The following MAOB variants were observed in gnomAD, a reference collection of about 807,000 sequenced individuals.
MAOB encodes the protein monoamine oxidase B.
MAOB carries 15 observed loss-of-function variants against 41.9 expected under a neutral mutation model. That is an observed-to-expected ratio of 0.36 (90% CI 0.24 to 0.55). The LOEUF (loss-of-function observed/expected upper bound fraction) is 0.55, where lower values mean the gene tolerates loss of function less well. Among genes scored for constraint, MAOB ranks in the 20% least tolerant of loss-of-function variants. The pLI is 0.86. For missense variants in MAOB, 345 were observed against 398.7 expected (o/e 0.87, Z 1.15); for synonymous variants, 167 against 144.2 (o/e 1.16, Z -1.13).
intron 7 of MAOB, among the ~76,000 whole-genome samples, chrX:43,795,285 A>T (rs2034513151): frequency 8.9e-6 from 1 of 111,829 alleles, no homozygotes; most frequent in South Asian, 3.8e-4. Context: ...ATTATAAAGG[A>T]TATTACAAAG....
At chrX:43,811,303 T>C (rs1178085449) in intron 3 of MAOB, among the ~76,000 whole-genome samples, 1 of 111,602 alleles carries the variant, frequency 9.0e-6, no homozygotes, top group Non-Finnish European at 1.9e-5. Context: ...TTCTTGATGC[T>C]GGACCCAGTC....
intron 11 of MAOB, among the ~76,000 whole-genome samples, chrX:43,777,293 G>T (rs941134785): frequency 3.6e-5 from 4 of 110,922 alleles, no homozygotes; most frequent in African/African-American, 1.3e-4. Flanking sequence ...TTTTTAGTGA[G>T]TATATACTGT....
chrX:43,854,342 A>G (rs1250583530), intron 1 of MAOB, among the ~76,000 whole-genome samples: 2 of 112,515 alleles, frequency 1.8e-5, no homozygotes, highest in African/African-American at 6.5e-5. Context: ...CATAAAAACA[A>G]TGAGTTAATG....
At chrX:43,776,767 C>A (rs59207814) in intron 11 of MAOB, among the ~76,000 whole-genome samples, 40 of 75,921 alleles carry the variant, frequency 5.3e-4, no homozygotes, top group African/African-American at 2.0e-3. Context: ...CCCCTCCCCC[C>A]ACCCCACAAC....
Position 43,793,457 on chromosome X carries a change from C to T in MAOB, c.890G>A (p.Cys297Tyr). The stretch of plus-strand genomic sequence containing the variant: ...GAAAGGCTCTTTATAATAAACTATA[C>T]ACTTGATGACTGAACCCAAAGGCAC... ...TRVPLGSVIKCIVYYKEPFWR... is the reference protein window; with the variant it reads ...TRVPLGSVIKYIVYYKEPFWR... The change falls in exon 8 of 15, where the codon TGT becomes TAT. Residue 297 changes from cysteine to tyrosine, a missense_variant. Physicochemically the swap from Cys to Tyr is radical, Grantham distance 194. Coordinates refer to ENST00000378069, the MANE Select transcript of MAOB (RefSeq NM_000898.5). 8.3e-7 allele frequency: 1 copy of T among 1,205,449 alleles called. No individual in the cohort carries two copies. Among genetic ancestry groups the T allele is most frequent in the Non-Finnish European group, 1.1e-6 (1 of 891,302 alleles).
intron 11 of MAOB, among the ~76,000 whole-genome samples, chrX:43,776,959 A>T (rs2034267528): frequency 9.0e-6 from 1 of 111,072 alleles, no homozygotes; most frequent in South Asian, 3.8e-4. Context: ...TTATGGCTGC[A>T]TAGTATTCCA....
At chrX:43,875,693 G>A (rs1367585373) in intron 1 of MAOB, among the ~76,000 whole-genome samples, 1 of 111,436 alleles carries the variant, frequency 9.0e-6, no homozygotes, top group Non-Finnish European at 1.9e-5. Context: ...AAGGGTATTC[G>A]ATCTTGCATG....
At chrX:43,840,760 A>G (rs1331363112) in intron 2 of MAOB, among the ~76,000 whole-genome samples, 3 of 111,117 alleles carry the variant, frequency 2.7e-5, no homozygotes, top group East Asian at 5.7e-4. Flanking sequence ...ATTCTGGCCC[A>G]GATACTTTGC....
At chrX:43,877,795 G>A (rs183384831) in intron 1 of MAOB, among the ~76,000 whole-genome samples, 10 of 111,838 alleles carry the variant, frequency 8.9e-5, no homozygotes, top group South Asian at 3.7e-4. Flanking sequence ...GGCCCCTTGC[G>A]GGGGGATAAA....
At chrX:43,877,470 T>C (rs1007152986) in intron 1 of MAOB, among the ~76,000 whole-genome samples, 29 of 111,655 alleles carry the variant, frequency 2.6e-4, no homozygotes, top group African/African-American at 9.1e-4. Flanking sequence ...TTGTCATTCT[T>C]AACCTTCACA....
intron 10 of MAOB, 25 bp from the exon 11 acceptor site, chrX:43,778,764 G>T (rs2034292217): frequency 8.9e-7 from 1 of 1,121,910 alleles, no homozygotes; most frequent in African/African-American, 1.8e-5. Context: ...AGACAAAAGA[G>T]AAAATAAAGG....
In MAOB at chrX:43,807,070, A is replaced by T. The variant is rs781081464; in HGVS notation, c.280-3666T>A. 1.6e-3 allele frequency among the ~76,000 whole-genome samples: 181 copies of T among 112,070 alleles called. 1 individual carries two copies. The highest frequency in any genetic ancestry group is 2.6e-3 in the Admixed American group (27 of 10,567). ...ATTTAGAAGCAAGTTCTGGCTGCTG[A>T]GTGCATGCTGATTTTGTTTTATAAT... On this transcript the variant is annotated intron_variant, in intron 3 of 14. Transcript: ENST00000378069.
In MAOB at chrX:43,870,794, CAAAAAAA is replaced by C. The variant is rs763016344; in HGVS notation, c.46+11453_46+11459del. Among the ~76,000 whole-genome samples the C allele has an allele frequency of 7.9e-3, 173 of 21,921 alleles. 1 individual carries two copies. Among genetic ancestry groups the C allele is most frequent in the Non-Finnish European group, 8.3e-3 (107 of 12,834 alleles). The allele number at this position is 21,921 out of a possible 115,157, so 19.0% of individuals were successfully genotyped here. A position where few individuals can be genotyped will look rare whatever the true frequency, so the allele number is the denominator to read the frequency against. On this transcript the variant is annotated intron_variant, in intron 1 of 14. Coordinates refer to ENST00000378069, the MANE Select transcript of MAOB (RefSeq NM_000898.5). ...TGGGCAACTGAGTGAGACTCCACCT[CAAAAAAA>C]AAAAAAAAAAAAAAAAAAGAGAAAG...
chrX:43,870,296 A>C (rs1431923420), intron 1 of MAOB, among the ~76,000 whole-genome samples: 2 of 112,106 alleles, frequency 1.8e-5, no homozygotes, highest in African/African-American at 6.5e-5. Context: ...GCACTTCCAG[A>C]TCGGAGGCTC....
intron 3 of MAOB, among the ~76,000 whole-genome samples, chrX:43,827,412 G>A (rs888963440): frequency 2.7e-5 from 3 of 111,633 alleles, no homozygotes; most frequent in African/African-American, 9.8e-5. Flanking sequence ...AGGGTTGGAA[G>A]GTTGGATTTG....
At chrX:43,778,848 T>C in intron 10 of MAOB, 109 bp from the exon 11 acceptor site, 1 of 548,992 alleles carries the variant, frequency 1.8e-6, no homozygotes, top group Non-Finnish European at 3.0e-6. Context: ...GAGCCATTGA[T>C]TCCACTCCAG....
At chrX:43,769,081 G>A (rs969648398) in intron 13 of MAOB, among the ~76,000 whole-genome samples, 1 of 111,898 alleles carries the variant, frequency 8.9e-6, no homozygotes, top group Non-Finnish European at 1.9e-5. Context: ...CAGGTTGATC[G>A]TTTGCCCCAT....
chrX:43,863,675 C>G (rs1272736767), intron 1 of MAOB, among the ~76,000 whole-genome samples: 3 of 111,678 alleles, frequency 2.7e-5, no homozygotes, highest in Non-Finnish European at 5.7e-5. Flanking sequence ...AACTGATCAA[C>G]TTTCTTTGTA....
intron 7 of MAOB, among the ~76,000 whole-genome samples, chrX:43,794,354 A>C (rs1023751744): frequency 1.5e-4 from 17 of 110,502 alleles, no homozygotes; most frequent in African/African-American, 5.3e-4. Flanking sequence ...CACCTTATTT[A>C]AACTTGCATA....
Sources: gnomAD v4.1 joint callset for allele counts (sites outside exome capture counted in the v4.1 genomes callset) on GRCh38, gnomAD v4.1.1 for gene constraint, MANE v1.5 for transcripts, NCBI Gene and HGNC (gene_info 2026-07-23, HGNC 2026-07-21) for gene names.